The following FOXJ2 variants were observed in gnomAD, a reference collection of about 807,000 sequenced individuals.
FOXJ2 encodes the protein forkhead box J2, also known as forkhead box protein J2.
A neutral mutation model predicts 68.4 loss-of-function variants in FOXJ2; 18 were observed. The ratio of observed to expected loss-of-function variants is 0.26; its 90% confidence interval spans 0.18 to 0.39. The LOEUF is 0.39. Among genes scored for constraint, FOXJ2 ranks in the 10% least tolerant of loss-of-function variants. The probability of loss-of-function intolerance (pLI) is 1.00; values close to 1 mark genes in which losing one functional copy is unlikely to be tolerated. For synonymous variants in FOXJ2, 274 were observed against 263.2 expected, an observed-to-expected ratio of 1.04 and a Z score of -0.40; for missense variants, 670 against 726.5, an observed-to-expected ratio of 0.92 and a Z score of 0.89.
chr12:8,050,312 A>G lies in FOXJ2; in HGVS notation c.1538-210A>G, dbSNP rs1591581474. On this transcript the variant is annotated intron_variant, in intron 9 of 10. Coordinates refer to ENST00000162391, the MANE Select transcript of FOXJ2 (RefSeq NM_018416.3). Reference sequence around the variant, plus strand: ...TATTTTTCTTCCTTATATCTTTCCTATTTCACAATTGTACTATCCATTTCT... The same window carrying G: ...TATTTTTCTTCCTTATATCTTTCCTGTTTCACAATTGTACTATCCATTTCT... The G allele has an allele frequency of 1.4e-5, 18 of 1,290,680 alleles. No individual in the cohort carries two copies. The South Asian group carries it at 2.0e-4, about 14-fold the overall frequency. 80.0% of individuals were successfully genotyped at this position (1,290,680 alleles called of 1,614,324 possible). A position where few individuals can be genotyped will look rare whatever the true frequency, so the allele number is the denominator to read the frequency against.
At chr12:8,049,715 A>AT in intron 9 of FOXJ2, 144 bp downstream of exon 9, 2 of 678,014 alleles carry the variant, frequency 2.9e-6, no homozygotes, top group Non-Finnish European at 4.8e-6. Context: ...AGTTGACTGA[A>AT]TATCTGTTGA....
chr12:8,036,117 A>G (rs1031360170), intron 1 of FOXJ2, among the ~76,000 whole-genome samples: 4 of 152,188 alleles, frequency 2.6e-5, no homozygotes, highest in Non-Finnish European at 4.4e-5. Context: ...AAAAATATTA[A>G]CTCAAGGTAA....
chr12:8,044,228 A>T, intron 5 of FOXJ2, 137 bp downstream of exon 5: 1 of 1,074,864 alleles, frequency 9.3e-7, no homozygotes, highest in Non-Finnish European at 1.2e-6. Flanking sequence ...AAGGCAAAAG[A>T]GGGAAATAGA....
In FOXJ2 at chr12:8,055,032, G is replaced by A. The variant is rs1368929709; in HGVS notation, c.*2182G>A. 1.3e-5 allele frequency: 2 copies of A among 152,216 alleles called. No individual in the cohort carries two copies. The highest frequency in any genetic ancestry group is 2.9e-5 in the Non-Finnish European group (2 of 68,042). The allele number at this position is 152,216 out of a possible 1,614,324, so 9.4% of individuals were successfully genotyped here. A position where few individuals can be genotyped will look rare whatever the true frequency, so the allele number is the denominator to read the frequency against. ...CAGGGTAGCTGAAGTTTGGGTCTGG[G>A]ACTGGAGATTGGCCATTAGGCCTCC... On this transcript the variant is annotated 3_prime_UTR_variant, in exon 11 of 11. Coordinates refer to ENST00000162391, the MANE Select transcript of FOXJ2 (RefSeq NM_018416.3).
intron 7 of FOXJ2, among the ~76,000 whole-genome samples, 184 bp downstream of exon 7, chr12:8,048,473 T>C (rs1947070887): frequency 6.6e-6 from 1 of 152,272 alleles, no homozygotes; most frequent in African/African-American, 2.4e-5. Flanking sequence ...CCTGGATCAA[T>C]TGAGATTGTT....
Position 8,048,779 on chromosome 12 carries a change from T to C in FOXJ2, c.1308T>C (p.Ile436=). ...KMVNRLNWSS[I]EQSQFSELME... ...TGAATCGGCTCAATTGGTCCAGCAT[T>C]GAGCAGTCACAATTCTCAGGTTAGT... is the stretch of plus-strand genomic sequence containing the variant. The change falls in exon 8 of 11, where the codon ATT becomes ATC. Residue 436 remains isoleucine (I), a synonymous_variant. Coordinates refer to ENST00000162391, the MANE Select transcript of FOXJ2 (RefSeq NM_018416.3). 1 of 1,613,968 alleles carries C rather than the reference T, an allele frequency of 6.2e-7. No homozygotes were observed. Among genetic ancestry groups the C allele is most frequent in the Non-Finnish European group, 8.5e-7 (1 of 1,179,930 alleles).
chr12:8,044,728 A>G, intron 5 of FOXJ2, 32 bp from the exon 6 acceptor site: 1 of 1,609,682 alleles, frequency 6.2e-7, no homozygotes, highest in Non-Finnish European at 8.5e-7. Context: ...CAGCTGGGAC[A>G]CTGATCAGGA....
chr12:8,037,336 G>A (rs1473892232), intron 1 of FOXJ2, among the ~76,000 whole-genome samples: 1 of 152,080 alleles, frequency 6.6e-6, no homozygotes, highest in Non-Finnish European at 1.5e-5. Context: ...GGTGAGATTT[G>A]AATATATTTT....
chr12:8,049,445 A>C lies in FOXJ2; in HGVS notation c.1411A>C (p.Asn471His), dbSNP rs1382039271. 6.2e-7 allele frequency: 1 copy of C among 1,614,158 alleles called. No individual in the cohort carries two copies. Among genetic ancestry groups the C allele is most frequent in the South Asian group, 1.1e-5 (1 of 91,074 alleles). Residue 471 changes from asparagine to histidine, a missense_variant, in exon 9 of 11, where the codon AAC becomes CAC. Coordinates refer to ENST00000162391, the MANE Select transcript of FOXJ2 (RefSeq NM_018416.3). ...CATTGCCAATCTGTGTGACTCCCTC[A>C]ACCACTTCCTTACTCAGACTGGTCA... Reference protein sequence around the residue: ...HHIANLCDSLNHFLTQTGHVP... With the variant: ...HHIANLCDSLHHFLTQTGHVP...
At chr12:8,048,927 A>C (rs909412535) in intron 8 of FOXJ2, 129 bp downstream of exon 8, 18 of 689,252 alleles carry the variant, frequency 2.6e-5, no homozygotes, top group Non-Finnish European at 2.8e-5. Flanking sequence ...CTTTCTTTTT[A>C]CACAAGATGG....
At chr12:8,042,119 C>T (rs559704713) in intron 2 of FOXJ2, among the ~76,000 whole-genome samples, 26 of 152,312 alleles carry the variant, frequency 1.7e-4, no homozygotes, top group Middle Eastern at 6.8e-3. Context: ...CTCAGGTGAT[C>T]AGCCCACCTC....
chr12:8,040,962 C>T lies in FOXJ2; in HGVS notation c.333+797C>T, dbSNP rs889637492. On this transcript the variant is annotated intron_variant, in intron 2 of 10. Transcript: ENST00000162391. This position sits in a 1 kb window ranked among gnomAD's most constrained non-coding sequence, Gnocchi z 4.0. The stretch of plus-strand genomic sequence containing the variant: ...TAGGTTCTTTACAAACAGCTGGCTA[C>T]CAAGCAAGTAATGAGAAGTTAAGTT... 6.6e-6 allele frequency among the ~76,000 whole-genome samples: 1 copy of T among 152,066 alleles called. No individual in the cohort carries two copies.
rs763622512 is a variant in FOXJ2, at chr12:8,038,972, C to T, written c.-14-847C>T. On this transcript the variant is annotated intron_variant, in intron 1 of 10. Transcript: ENST00000162391. The surrounding 1 kb of genome is among the most constrained non-coding windows in gnomAD (Gnocchi z 5.3). ...CACACAGCTGGGTGTCTCCCTGGCTCGGTGAAGCCCAGCAGGCTGAGAGGT... is the reference window on the plus strand; with the variant it reads ...CACACAGCTGGGTGTCTCCCTGGCTTGGTGAAGCCCAGCAGGCTGAGAGGT... Among the ~76,000 whole-genome samples, 233 of 152,238 alleles carry T rather than the reference C, an allele frequency of 1.5e-3. 2 individuals are homozygous for T. Among genetic ancestry groups the T allele is most frequent in the South Asian group, 1.5e-3 (7 of 4,824 alleles).
At position 8,047,922 on chromosome 12, in the gene FOXJ2, C is replaced by G; in HGVS notation, c.858C>G (p.Asn286Lys). ...TGGGGGACATCCCACCCTCGAACAACTACTACATGTATCAGCAGCAGCAGC... is the reference window on the plus strand; with the variant it reads ...TGGGGGACATCCCACCCTCGAACAAGTACTACATGTATCAGCAGCAGCAGC... ...SLLGDIPPSN[N>K]YYMYQQQQPP... Residue 286 changes from asparagine to lysine, a missense_variant, in exon 7 of 11, where the codon AAC becomes AAG. Asn to Lys is a moderately conservative substitution (Grantham distance 94, BLOSUM62 0). Around this residue, in one of 2 missense-constraint regions of FOXJ2, gnomAD observed 555 missense variants for 562.2 expected, o/e 0.99. Transcript: ENST00000162391. 1 of 1,611,564 alleles carries G rather than the reference C, an allele frequency of 6.2e-7. No homozygotes were observed. Among genetic ancestry groups the G allele is most frequent in the East Asian group, 2.2e-5 (1 of 44,872 alleles).
In FOXJ2 at chr12:8,054,685, TAGTG is replaced by T. The variant is rs1947164926; in HGVS notation, c.*1836_*1839del. The T allele has an allele frequency of 6.6e-6, 1 of 152,544 alleles. No homozygotes were observed. The highest frequency in any genetic ancestry group is 2.1e-4 in the South Asian group (1 of 4,828). The allele number at this position is 152,544 out of a possible 1,614,324, so 9.4% of individuals were successfully genotyped here. A position where few individuals can be genotyped will look rare whatever the true frequency, so the allele number is the denominator to read the frequency against. ...ATCTCCCATGATGTTGGAGGGCACT[TAGTG>T]GGGTTGAAGTATGACATAATATTTC... On this transcript the variant is annotated 3_prime_UTR_variant, in exon 11 of 11. Coordinates refer to ENST00000162391, the MANE Select transcript of FOXJ2 (RefSeq NM_018416.3).
rs1460925641 is a variant in FOXJ2, at chr12:8,054,389, A to G, written c.*1539A>G. On this transcript the variant is annotated 3_prime_UTR_variant, in exon 11 of 11. Transcript: ENST00000162391. ...GCTGAAAAGCTGTGGGACAAAATGT[A>G]TGGAATAGACAAGGCCACTTTCTTT... 1.3e-5 allele frequency: 2 copies of G among 152,238 alleles called. No individual in the cohort carries two copies. The highest frequency in any genetic ancestry group is 2.4e-5 in the African/African-American group (1 of 41,474). 9.4% of individuals were successfully genotyped at this position (152,238 alleles called of 1,614,324 possible). A position where few individuals can be genotyped will look rare whatever the true frequency, so the allele number is the denominator to read the frequency against.
In FOXJ2 at chr12:8,052,525, T is replaced by C. The variant is rs570748719; in HGVS notation, c.1637-237T>C. 7.9e-4 allele frequency among the ~76,000 whole-genome samples: 120 copies of C among 152,310 alleles called. No homozygotes were observed. The South Asian group carries it at 8.7e-3, about 11-fold the overall frequency. On this transcript the variant is annotated intron_variant, in intron 10 of 10. Transcript: ENST00000162391. The stretch of plus-strand genomic sequence containing the variant: ...GAGCAACTGTGCCTGGCGTCAGAAG[T>C]ATAATTGTTAATGGCAGCATAATAT...
At position 8,052,978 on chromosome 12, in the gene FOXJ2, T is replaced by G; in HGVS notation, c.*128T>G. ...ATATATCCTCTTTTTGTTCTTTCTCTGTCAGAGAAGCCACTGCAAGATGCT... is the reference window on the plus strand; with the variant it reads ...ATATATCCTCTTTTTGTTCTTTCTCGGTCAGAGAAGCCACTGCAAGATGCT... On this transcript the variant is annotated 3_prime_UTR_variant, in exon 11 of 11. Transcript: ENST00000162391. 5.4e-6 allele frequency: 3 copies of G among 556,844 alleles called. No individual in the cohort carries two copies. The highest frequency in any genetic ancestry group is 6.2e-6 in the Non-Finnish European group (2 of 323,252). The allele number at this position is 556,844 out of a possible 1,614,324, so 34.5% of individuals were successfully genotyped here. A position where few individuals can be genotyped will look rare whatever the true frequency, so the allele number is the denominator to read the frequency against.
intron 5 of FOXJ2, 90 bp from the exon 6 acceptor site, chr12:8,044,669 AG>A: frequency 7.5e-7 from 1 of 1,340,378 alleles, no homozygotes; most frequent in Non-Finnish European, 1.0e-6. Flanking sequence ...GAGGATGAAG[AG>A]GACAGACAGG....
Sources: gnomAD v4.1 joint callset for allele counts (sites outside exome capture counted in the v4.1 genomes callset) on GRCh38, gnomAD v4.1.1 for gene constraint, gnomAD v4.1.1 regional missense constraint, Gnocchi (gnomAD v3.1) non-coding constraint, MANE v1.5 for transcripts, NCBI Gene and HGNC (gene_info 2026-07-23, HGNC 2026-07-21) for gene names.